The following UBR7 variants were observed in gnomAD, a reference collection of about 807,000 sequenced individuals.
UBR7 encodes ubiquitin protein ligase E3 component n-recognin 7, also known as putative E3 ubiquitin-protein ligase UBR7.
UBR7 carries 22 observed loss-of-function variants against 57.0 expected under a neutral mutation model. The observed-to-expected ratio is 0.39, with a 90% CI of 0.28 to 0.55. The LOEUF (loss-of-function observed/expected upper bound fraction) is 0.55, where lower values mean the gene tolerates loss of function less well. Ranked by LOEUF, UBR7 falls within the 20% of genes least tolerant of loss-of-function variation. The pLI, the probability that UBR7 is intolerant of heterozygous loss-of-function variation, is 0.69. For synonymous variants in UBR7, 167 were observed against 179.8 expected, an observed-to-expected ratio of 0.93 and a Z score of 0.57; for missense variants, 395 against 513.2, an observed-to-expected ratio of 0.77 and a Z score of 2.23.
At position 93,227,026 on chromosome 14, in the gene UBR7, C is replaced by T. The variant is rs1251540627; in HGVS notation, c.1269C>T (p.Tyr423=). The T allele has an allele frequency of 4.3e-6, 7 of 1,610,058 alleles. No homozygotes were observed. The Admixed American group carries it at 1.2e-4, about 27-fold the overall frequency. ...KRRRVDGMQY[Y]CS ...GAAGAGTGGATGGGATGCAGTATTACTGCAGCTAGAGTGGAGTATGAAGCT... is the reference window on the plus strand; with the variant it reads ...GAAGAGTGGATGGGATGCAGTATTATTGCAGCTAGAGTGGAGTATGAAGCT... Residue 423 remains tyrosine, a synonymous_variant, in exon 11 of 11, where the codon TAC becomes TAT. Coordinates refer to ENST00000013070, the MANE Select transcript of UBR7 (RefSeq NM_175748.4).
chr14:93,216,240 T>C (rs1363176836), intron 6 of UBR7, among the ~76,000 whole-genome samples: 1 of 152,204 alleles, frequency 6.6e-6, no homozygotes, highest in Non-Finnish European at 1.5e-5. Context: ...GAGACAGTGT[T>C]TCACCATGTT....
rs559720048 is a variant in UBR7 at position 93,228,485 on chromosome 14, G to T, written c.*1450G>T. The T allele has an allele frequency of 4.4e-6, 2 of 454,116 alleles. No homozygotes were observed. Among genetic ancestry groups the T allele is most frequent in the African/African-American group, 2.0e-5 (1 of 50,118 alleles). 28.1% of individuals were successfully genotyped at this position (454,116 alleles called of 1,614,324 possible). On this transcript the variant is annotated 3_prime_UTR_variant, in exon 11 of 11. Transcript: ENST00000013070. ...TCATTCGAGTGCCCAATCCCTGGAT[G>T]AGATGAACTAGGCCTTATAAAAAGT...
intron 4 of UBR7, among the ~76,000 whole-genome samples, chr14:93,212,707 G>T (rs1211325006): frequency 6.6e-6 from 1 of 152,116 alleles, no homozygotes; most frequent in Non-Finnish European, 1.5e-5. Context: ...TCTGCAGCTG[G>T]CTTTTCTCAC....
At chr14:93,223,594 G>A in intron 10 of UBR7, 1 of 1,004,260 alleles carries the variant, frequency 1.0e-6, no homozygotes. Context: ...CGAGGGCCCT[G>A]CCCCTAGAAG....
intron 1 of UBR7, among the ~76,000 whole-genome samples, chr14:93,209,002 A>C (rs1336140733): frequency 6.6e-6 from 1 of 152,072 alleles, no homozygotes; most frequent in East Asian, 1.9e-4. Flanking sequence ...TCTAGAGATG[A>C]GGTTTTCACC....
intron 9 of UBR7, 144 bp from the exon 10 acceptor site, chr14:93,222,169 A>G: frequency 1.5e-6 from 1 of 651,520 alleles, no homozygotes; most frequent in Non-Finnish European, 2.8e-6. Context: ...TAATTTGGGA[A>G]CGAGTTTCTA....
chr14:93,218,710 G>T lies in UBR7; in HGVS notation c.785G>T (p.Gly262Val), dbSNP rs1325631261. 1 of 1,613,840 alleles carries T rather than the reference G, an allele frequency of 6.2e-7. No individual in the cohort carries two copies. The highest frequency in any genetic ancestry group is 8.5e-7 in the Non-Finnish European group (1 of 1,179,782). ...KVEQNSEPCAGSSSESDLQTV... is the reference protein window; with the variant it reads ...KVEQNSEPCAVSSSESDLQTV... ...GAGCAGAACAGTGAACCATGTGCCG[G>T]CTCTAGTTCTGAATCTGATCTCCAG... Residue 262 changes from glycine to valine, a missense_variant, in exon 7 of 11, where the codon GGC becomes GTC. Physicochemically the swap from Gly to Val is moderately radical, Grantham distance 109. Transcript: ENST00000013070.
intron 10 of UBR7, chr14:93,223,661 TG>T (rs1894763549): frequency 1.4e-6 from 2 of 1,384,600 alleles, no homozygotes; most frequent in Non-Finnish European, 2.0e-6. Context: ...CAGGACCCGG[TG>T]GGGCAGCGGG....
At chr14:93,221,158 T>G (rs911817851) in intron 9 of UBR7, among the ~76,000 whole-genome samples, 3 of 151,528 alleles carry the variant, frequency 2.0e-5, no homozygotes, top group Non-Finnish European at 2.9e-5. Flanking sequence ...TCACCCAGGC[T>G]GGAGTGCAGT....
chr14:93,224,332 C>T (rs1284486832), intron 10 of UBR7, among the ~76,000 whole-genome samples: 2 of 147,914 alleles, frequency 1.4e-5, no homozygotes, highest in African/African-American at 2.5e-5. Context: ...TTAGAGACTT[C>T]TTCACTATCA....
chr14:93,219,279 CTAAGCAGCT>C lies in UBR7; in HGVS notation c.881_889del (p.Lys294_Leu296del). ...GGCTGCAAACTTCAGGAGCTTAAAG[CTAAGCAGCT>C]TATAAAGAAAGACACTGCCACCTAT... On this transcript the variant is annotated inframe_deletion, in exon 8 of 11. Coordinates refer to ENST00000013070, the MANE Select transcript of UBR7 (RefSeq NM_175748.4). The C allele has an allele frequency of 1.2e-6, 2 of 1,614,168 alleles. 1 individual carries two copies. The highest frequency in any genetic ancestry group is 2.2e-5 in the South Asian group (2 of 91,080).
chr14:93,227,722 C>T lies in UBR7; in HGVS notation c.*687C>T, dbSNP rs781325523. 5 of 700,776 alleles carry T rather than the reference C, an allele frequency of 7.1e-6. No individual in the cohort carries two copies. In the South Asian group the frequency reaches 7.4e-5, roughly 10 times the overall value. The allele number at this position is 700,776 out of a possible 1,614,324, so 43.4% of individuals were successfully genotyped here. A position where few individuals can be genotyped will look rare whatever the true frequency, so the allele number is the denominator to read the frequency against. On this transcript the variant is annotated 3_prime_UTR_variant, in exon 11 of 11. Transcript: ENST00000013070. ...TGTTATGAATTTTACTAATACAGTT[C>T]AAGTGAAATTTTCGTTCATGATTCT...
In UBR7 at chr14:93,219,261, A is replaced by G. The variant is rs770451726; in HGVS notation, c.860A>G (p.Lys287Arg). ...SLNAESKSGC[K>R]LQELKAKQLI... ...AACGCAGAATCAAAATCTGGCTGCA[A>G]ACTTCAGGAGCTTAAAGCTAAGCAG... Residue 287 changes from lysine to arginine, a missense_variant, in exon 8 of 11, where the codon AAA becomes AGA. Transcript: ENST00000013070. The G allele has an allele frequency of 4.3e-6, 7 of 1,614,214 alleles. No individual in the cohort carries two copies. Among genetic ancestry groups the G allele is most frequent in the East Asian group, 2.2e-5 (1 of 44,880 alleles).
At chr14:93,221,706 G>A (rs1894710632) in intron 9 of UBR7, among the ~76,000 whole-genome samples, 1 of 152,076 alleles carries the variant, frequency 6.6e-6, no homozygotes, top group Non-Finnish European at 1.5e-5. Flanking sequence ...CTTGGGCTGG[G>A]CGCCATGGCT....
chr14:93,223,780 C>T (rs1894768047), intron 10 of UBR7: 3 of 736,930 alleles, frequency 4.1e-6, no homozygotes, highest in Non-Finnish European at 4.9e-6. Flanking sequence ...GGCCCAGGTG[C>T]GGTGCCAGGC....
chr14:93,227,913 G>A lies in UBR7; in HGVS notation c.*878G>A. 1 of 700,734 alleles carries A rather than the reference G, an allele frequency of 1.4e-6. No homozygotes were observed. Among genetic ancestry groups the A allele is most frequent in the Non-Finnish European group, 2.6e-6 (1 of 384,826 alleles). 43.4% of individuals were successfully genotyped at this position (700,734 alleles called of 1,614,324 possible). A position where few individuals can be genotyped will look rare whatever the true frequency, so the allele number is the denominator to read the frequency against. ...TCCTCTGGATTTCTTGATATTATCAGGGATATTCATAAGCATATATCAAAA... is the reference window on the plus strand; with the variant it reads ...TCCTCTGGATTTCTTGATATTATCAAGGATATTCATAAGCATATATCAAAA... On this transcript the variant is annotated 3_prime_UTR_variant, in exon 11 of 11. Coordinates refer to ENST00000013070, the MANE Select transcript of UBR7 (RefSeq NM_175748.4).
chr14:93,220,775 A>G (rs1295771797), intron 9 of UBR7, among the ~76,000 whole-genome samples: 1 of 152,054 alleles, frequency 6.6e-6, no homozygotes, highest in Admixed American at 6.6e-5. Flanking sequence ...ACAGGAAACC[A>G]CTAGAGGAGA....
In UBR7 at chr14:93,207,285, G is replaced by C; in HGVS notation, c.-7G>C. The stretch of plus-strand genomic sequence containing the variant: ...GGGCCGAGCCGCTGTTCGGCTGACA[G>C]TTGAGGATGGCCGGAGCCGAGGGCG... On this transcript the variant is annotated 5_prime_UTR_variant, in exon 1 of 11. Transcript: ENST00000013070. 6.4e-7 allele frequency: 1 copy of C among 1,553,344 alleles called. No homozygotes were observed. Among genetic ancestry groups the C allele is most frequent in the Non-Finnish European group, 8.7e-7 (1 of 1,148,426 alleles).
chr14:93,215,240 A>G lies in UBR7; in HGVS notation c.560A>G (p.Lys187Arg), dbSNP rs1894566947. The G allele has an allele frequency of 6.3e-7, 1 of 1,589,322 alleles. No homozygotes were observed. Among genetic ancestry groups the G allele is most frequent in the Admixed American group, 1.8e-5 (1 of 55,920 alleles). ...FQEMVCQACMKRCSFLWAYAA... is the reference protein window; with the variant it reads ...FQEMVCQACMRRCSFLWAYAA... Reference sequence around the variant, plus strand: ...GAGATGGTATGCCAGGCCTGCATGAAACGTTGTTCTTTTTTGTGGGCTTAT... The same window carrying G: ...GAGATGGTATGCCAGGCCTGCATGAGACGTTGTTCTTTTTTGTGGGCTTAT... Residue 187 changes from lysine to arginine, a missense_variant, in exon 6 of 11, where the codon AAA becomes AGA. Transcript: ENST00000013070.
Sources: allele counts gnomAD v4.1 joint callset (sites outside exome capture counted in the v4.1 genomes callset), GRCh38; gene constraint gnomAD v4.1.1; transcripts MANE v1.5; gene names NCBI Gene and HGNC (gene_info 2026-07-23, HGNC 2026-07-21).